Variants in LRRTM4 observed in about 807,000 individuals in gnomAD.
LRRTM4 encodes leucine-rich repeat transmembrane neuronal protein 4.
A neutral mutation model predicts 47.6 loss-of-function variants in LRRTM4; 25 were observed. The ratio of observed to expected loss-of-function variants is 0.53; its 90% CI spans 0.38 to 0.73. LRRTM4 has a LOEUF of 0.73. Ranked by LOEUF, LRRTM4 falls within the 30% of genes least tolerant of loss-of-function variation. LRRTM4 has a pLI of 0.00. For synonymous variants in LRRTM4, 311 were observed against 269.5 expected (o/e 1.15, Z -1.51); for missense variants, 638 against 713.4 (o/e 0.89, Z 1.20).
chr2:76,837,371 C>A (rs1446430441), intron 3 of LRRTM4, among the ~76,000 whole-genome samples: 1 of 151,862 alleles, frequency 6.6e-6, no homozygotes, highest in Non-Finnish European at 1.5e-5. Context: ...TTTTTTGTCT[C>A]TATTTCCTTC....
intron 3 of LRRTM4, 189 bp downstream of exon 3, chr2:77,518,129 T>TA (rs36044249): frequency 0.054 from 63,502 of 1,168,666 alleles, 461 homozygotes; most frequent in Admixed American, 0.17. Flanking sequence ...TTCAACCATT[T>TA]AAAAAAAAAA....
intron 3 of LRRTM4, among the ~76,000 whole-genome samples, chr2:77,063,784 T>C (rs2103807456): frequency 6.6e-6 from 1 of 152,308 alleles, no homozygotes; most frequent in African/African-American, 2.4e-5. Context: ...TATAATAAAC[T>C]AAAATTTTTG....
At chr2:77,250,708 T>C (rs753438618) in intron 3 of LRRTM4, among the ~76,000 whole-genome samples, 19 of 152,192 alleles carry the variant, frequency 1.2e-4, no homozygotes, top group Non-Finnish European at 2.4e-4. Flanking sequence ...TGATTTCTCT[T>C]TCTCTCCAAT....
chr2:77,045,405 C>T (rs1404631212), intron 3 of LRRTM4, among the ~76,000 whole-genome samples: 1 of 151,866 alleles, frequency 6.6e-6, no homozygotes, highest in Non-Finnish European at 1.5e-5. Context: ...ATTTCCCCTG[C>T]AAATTCAATC....
intron 3 of LRRTM4, among the ~76,000 whole-genome samples, chr2:76,809,489 C>A (rs991353393): frequency 2.0e-5 from 3 of 152,210 alleles, no homozygotes; most frequent in African/African-American, 4.8e-5. Context: ...ATCCTAGTAA[C>A]TTTACTGGGG....
rs563265444 is a variant in LRRTM4 at position 76,819,838 on chromosome 2, T to A, written c.1552-70922A>T. 7.9e-5 allele frequency among the ~76,000 whole-genome samples: 12 copies of A among 152,072 alleles called. 2 individuals carry two copies. In the Middle Eastern group the frequency reaches 0.02, roughly 259 times the overall value. ...CCTTCCTCAAGTTTTAACAGCCCTA[T>A]TGTGAAAGGTGAAACCACCTACTTT... On this transcript the variant is annotated intron_variant, in intron 3 of 3. Transcript: ENST00000409884.
intron 3 of LRRTM4, among the ~76,000 whole-genome samples, chr2:76,837,289 C>T (rs540988161): frequency 2.0e-5 from 3 of 151,896 alleles, no homozygotes; most frequent in South Asian, 2.1e-4. Context: ...TATTAGTCTT[C>T]GTAGCGGTCT....
intron 3 of LRRTM4, among the ~76,000 whole-genome samples, chr2:77,222,841 T>C (rs930734880): frequency 3.9e-5 from 6 of 152,144 alleles, no homozygotes; most frequent in Admixed American, 6.5e-5. Flanking sequence ...GAGGGAATCC[T>C]CCCTAACTCA....
intron 3 of LRRTM4, among the ~76,000 whole-genome samples, chr2:77,012,149 T>A (rs1316722298): frequency 6.6e-6 from 1 of 152,120 alleles, no homozygotes; most frequent in South Asian, 2.1e-4. Flanking sequence ...AAATGTAGTT[T>A]AATTTTAATT....
chr2:77,376,442 G>C lies in LRRTM4; in HGVS notation c.1551+141876C>G, dbSNP rs532555393. 2.7e-5 allele frequency among the ~76,000 whole-genome samples: 4 copies of C among 146,592 alleles called. No individual in the cohort carries two copies. The South Asian group carries it at 6.4e-4, about 24-fold the overall frequency. The stretch of plus-strand genomic sequence containing the variant: ...TTTTTTTTGCTAATGTCCTTTTTCA[G>C]TCCCCATCCCCAATACCATCCTAGA... On this transcript the variant is annotated intron_variant, in intron 3 of 3. Coordinates refer to ENST00000409884, the MANE Select transcript of LRRTM4 (RefSeq NM_001134745.3).
At chr2:76,793,269 G>A (rs1051097745) in intron 3 of LRRTM4, among the ~76,000 whole-genome samples, 3 of 152,136 alleles carry the variant, frequency 2.0e-5, no homozygotes, top group Admixed American at 6.5e-5. Context: ...CAGTATCAGA[G>A]TGTTTAGATA....
chr2:77,162,411 C>T (rs1396671284), intron 3 of LRRTM4, among the ~76,000 whole-genome samples: 1 of 152,182 alleles, frequency 6.6e-6, no homozygotes, highest in East Asian at 1.9e-4. Flanking sequence ...CATAGCTGAA[C>T]AAAAGGCAGC....
chr2:76,800,705 C>G (rs1675619459), intron 3 of LRRTM4, among the ~76,000 whole-genome samples: 1 of 123,370 alleles, frequency 8.1e-6, no homozygotes, highest in Admixed American at 8.4e-5. Context: ...ACCTACTCAT[C>G]TGACAAAGGG....
At chr2:77,148,213 T>C (rs1672310199) in intron 3 of LRRTM4, among the ~76,000 whole-genome samples, 1 of 152,146 alleles carries the variant, frequency 6.6e-6, no homozygotes. Context: ...AGCTTTTCCT[T>C]GGATTGCTGT....
At chr2:76,906,884 AC>A (rs1343508855) in intron 3 of LRRTM4, among the ~76,000 whole-genome samples, 5 of 151,662 alleles carry the variant, frequency 3.3e-5, no homozygotes, top group African/African-American at 1.2e-4. Context: ...TTAGACTCCC[AC>A]ACAATAATAA....
chr2:76,835,959 A>G (rs1671499094), intron 3 of LRRTM4, among the ~76,000 whole-genome samples: 1 of 152,074 alleles, frequency 6.6e-6, no homozygotes, highest in Non-Finnish European at 1.5e-5. Flanking sequence ...TTGAATTTCT[A>G]AATGATAGTA....
At chr2:76,919,014 A>G (rs2103802614) in intron 3 of LRRTM4, among the ~76,000 whole-genome samples, 1 of 152,322 alleles carries the variant, frequency 6.6e-6, no homozygotes, top group South Asian at 2.1e-4. Flanking sequence ...GAAAAGGTGC[A>G]AAGGACAAAA....
At chr2:76,826,540 T>A (rs1326455012) in intron 3 of LRRTM4, among the ~76,000 whole-genome samples, 1 of 146,442 alleles carries the variant, frequency 6.8e-6, no homozygotes. Context: ...ATAGAAAAAA[T>A]ACATATATAT....
chr2:77,093,607 T>C (rs28798709), intron 3 of LRRTM4, among the ~76,000 whole-genome samples: 29,336 of 151,454 alleles, frequency 0.19, 3,046 homozygotes, highest in East Asian at 0.28. Context: ...AAATTTTCGC[T>C]GCCCCAACAC....
Sources: gnomAD v4.1 joint callset for allele counts (sites outside exome capture counted in the v4.1 genomes callset) on GRCh38, gnomAD v4.1.1 for gene constraint, MANE v1.5 for transcripts, NCBI Gene and HGNC (gene_info 2026-07-23, HGNC 2026-07-21) for gene names.